Variants in BMERB1 observed in about 807,000 individuals in gnomAD.
The protein encoded by BMERB1 is bMERB domain containing 1, also known as bMERB domain-containing protein 1.
In BMERB1, 12 loss-of-function variants were observed where a neutral mutation model predicts 23.6. That is an observed-to-expected ratio of 0.51 (90% CI 0.33 to 0.82). The LOEUF (loss-of-function observed/expected upper bound fraction) is 0.82, where lower values mean the gene tolerates loss of function less well. BMERB1 is among the 40% of genes least tolerant of loss of function. The pLI, the probability that BMERB1 is intolerant of heterozygous loss-of-function variation, is 0.03. For synonymous variants in BMERB1, 122 were observed against 96.6 expected (o/e 1.26, Z -1.54); for missense variants, 247 against 255.4 (o/e 0.97, Z 0.22).
chr16:15,453,158 C>T (rs901207100), intron 1 of BMERB1, among the ~76,000 whole-genome samples: 3 of 151,904 alleles, frequency 2.0e-5, no homozygotes, highest in Non-Finnish European at 1.5e-5. Flanking sequence ...GGCAACAGCA[C>T]GAGACTCTGT....
intron 3 of BMERB1, among the ~76,000 whole-genome samples, chr16:15,572,975 C>T (rs1057110925): frequency 6.6e-6 from 1 of 152,090 alleles, no homozygotes; most frequent in Non-Finnish European, 1.5e-5. Flanking sequence ...TGCCTTCTGC[C>T]GTGATTGTGA....
chr16:15,496,948 T>C (rs1319074040), intron 1 of BMERB1, among the ~76,000 whole-genome samples: 2 of 152,176 alleles, frequency 1.3e-5, no homozygotes, highest in African/African-American at 4.8e-5. Flanking sequence ...CCTTTCACCA[T>C]TCACCATTGC....
At chr16:15,527,116 G>C (rs917866248) in intron 2 of BMERB1, among the ~76,000 whole-genome samples, 3 of 151,804 alleles carry the variant, frequency 2.0e-5, no homozygotes, top group African/African-American at 7.3e-5. Context: ...CCATTTCTAA[G>C]AGTACAGTTC....
At chr16:15,586,156 GAA>G (rs2031133957) in intron 5 of BMERB1, among the ~76,000 whole-genome samples, 2 of 151,994 alleles carry the variant, frequency 1.3e-5, no homozygotes, top group African/African-American at 4.8e-5. Context: ...ACAGCCCTGA[GAA>G]AGTTACACAG....
chr16:15,533,531 A>C (rs2150960291), intron 2 of BMERB1, among the ~76,000 whole-genome samples: 1 of 152,022 alleles, frequency 6.6e-6, no homozygotes, highest in South Asian at 2.1e-4. Flanking sequence ...AGTAGCTGGG[A>C]CCAAGTAGCA....
At chr16:15,438,901 C>G (rs2050912472) in intron 1 of BMERB1, among the ~76,000 whole-genome samples, 1 of 152,146 alleles carries the variant, frequency 6.6e-6, no homozygotes, top group Non-Finnish European at 1.5e-5. Flanking sequence ...AAAATTAGTA[C>G]TTTTGTTTCT....
intron 1 of BMERB1, among the ~76,000 whole-genome samples, chr16:15,505,246 C>A (rs192539126): frequency 6.6e-6 from 1 of 152,188 alleles, no homozygotes; most frequent in Non-Finnish European, 1.5e-5. Context: ...ATAGGTACCC[C>A]CAGTGGTACT....
intron 1 of BMERB1, among the ~76,000 whole-genome samples, chr16:15,437,647 A>G (rs766382961): frequency 1.6e-4 from 24 of 152,174 alleles, no homozygotes; most frequent in Non-Finnish European, 3.2e-4. Context: ...TCTGGGTCCT[A>G]TGCTGCACAC....
At chr16:15,499,497 G>A (rs2051506454) in intron 1 of BMERB1, among the ~76,000 whole-genome samples, 1 of 152,094 alleles carries the variant, frequency 6.6e-6, no homozygotes, top group South Asian at 2.1e-4. Context: ...CTTAGATCTT[G>A]GACTTCTATG....
chr16:15,517,047 C>T lies in BMERB1; in HGVS notation c.230+1619C>T, dbSNP rs114365981. Among the ~76,000 whole-genome samples the T allele has an allele frequency of 5.4e-3, 817 of 152,294 alleles. 4 individuals carry two copies. Among genetic ancestry groups the T allele is most frequent in the African/African-American group, 0.018 (767 of 41,560 alleles). Reference sequence around the variant, plus strand: ...ATCCAGCCCTTTGCATGTGCAAGACCGTGAGCTAAATGCTTCCCATGCATA... The same window carrying T: ...ATCCAGCCCTTTGCATGTGCAAGACTGTGAGCTAAATGCTTCCCATGCATA... On this transcript the variant is annotated intron_variant, in intron 2 of 5. Transcript: ENST00000300006.
intron 1 of BMERB1, among the ~76,000 whole-genome samples, chr16:15,474,410 G>A (rs1286053938): frequency 6.6e-6 from 1 of 151,938 alleles, no homozygotes; most frequent in Non-Finnish European, 1.5e-5. Flanking sequence ...TGTTGCCCAG[G>A]GTGGAGCGCA....
chr16:15,443,611 A>T (rs1026201886), intron 1 of BMERB1, among the ~76,000 whole-genome samples: 2 of 151,822 alleles, frequency 1.3e-5, no homozygotes, highest in African/African-American at 4.8e-5. Context: ...AATGAAACAC[A>T]TGCTAAATGA....
At chr16:15,491,637 C>T (rs1007790620) in intron 1 of BMERB1, among the ~76,000 whole-genome samples, 18 of 152,182 alleles carry the variant, frequency 1.2e-4, no homozygotes, top group Admixed American at 1.2e-3. Context: ...TTTGCTCCAC[C>T]CACATCTGCC....
intron 1 of BMERB1, among the ~76,000 whole-genome samples, chr16:15,484,950 A>G (rs2051355381): frequency 6.6e-6 from 1 of 152,210 alleles, no homozygotes; most frequent in African/African-American, 2.4e-5. Flanking sequence ...ATCAAATGCC[A>G]TCAGTAGGAC....
intron 1 of BMERB1, among the ~76,000 whole-genome samples, chr16:15,506,333 G>A (rs569162995): frequency 1.6e-4 from 25 of 151,908 alleles, no homozygotes; most frequent in African/African-American, 4.1e-4. Context: ...CCGCCACCAC[G>A]CCCGGCTAAT....
Position 15,487,463 on chromosome 16 carries a change from T to C in BMERB1, c.107-27842T>C, listed in dbSNP as rs541644547. Reference sequence around the variant, plus strand: ...AGGACTCATGGTAAATATTTTTGTCTTTGAGGGCCATATTGTTAAAGGAAA... The same window carrying C: ...AGGACTCATGGTAAATATTTTTGTCCTTGAGGGCCATATTGTTAAAGGAAA... On this transcript the variant is annotated intron_variant, in intron 1 of 5. Transcript: ENST00000300006. 2.1e-4 allele frequency among the ~76,000 whole-genome samples: 32 copies of C among 152,298 alleles called. No individual in the cohort carries two copies. In the South Asian group the frequency reaches 6.0e-3, roughly 29 times the overall value.
At chr16:15,571,810 AC>A (rs2030734688) in intron 3 of BMERB1, among the ~76,000 whole-genome samples, 1 of 152,038 alleles carries the variant, frequency 6.6e-6, no homozygotes, top group Non-Finnish European at 1.5e-5. Flanking sequence ...CCCTCCGCCC[AC>A]CCGGAGACAA....
At chr16:15,582,401 A>AAAAAC (rs2031036822) in intron 4 of BMERB1, among the ~76,000 whole-genome samples, 1 of 151,792 alleles carries the variant, frequency 6.6e-6, no homozygotes, top group African/African-American at 2.4e-5. Context: ...ATTCCATCTC[A>AAAAAC]AAAACAAAAC....
chr16:15,555,177 G>C (rs1049690458), intron 2 of BMERB1, among the ~76,000 whole-genome samples: 1 of 152,126 alleles, frequency 6.6e-6, no homozygotes, highest in Non-Finnish European at 1.5e-5. Context: ...CTGGGCTGAA[G>C]TGATCCTCCT....
Sources: gnomAD v4.1 joint callset for allele counts (sites outside exome capture counted in the v4.1 genomes callset) on GRCh38, gnomAD v4.1.1 for gene constraint, MANE v1.5 for transcripts, NCBI Gene and HGNC (gene_info 2026-07-23, HGNC 2026-07-21) for gene names.